DCC: variants seen among roughly 807,000 people sequenced by gnomAD.
DCC encodes the protein DCC netrin 1 receptor, also known as netrin receptor DCC.
A neutral mutation model predicts 172.5 loss-of-function variants in DCC; 58 were observed. The observed-to-expected ratio is 0.34, with a 90% CI of 0.27 to 0.42. The LOEUF is 0.42. DCC is among the 10% of genes least tolerant of loss of function. DCC has a pLI of 1.00. For missense variants in DCC, 1,740 were observed against 1,791.0 expected, an observed-to-expected ratio of 0.97 and a Z score of 0.51; for synonymous variants, 709 against 644.5, an observed-to-expected ratio of 1.10 and a Z score of -1.52.
chr18:52,627,446 G>A (rs142797767), intron 1 of DCC, among the ~76,000 whole-genome samples: 94 of 152,218 alleles, frequency 6.2e-4, no homozygotes, highest in Non-Finnish European at 1.1e-3. Context: ...AATCACAAAG[G>A]GCTAAACCAT....
At chr18:53,481,961 A>G (rs554585363) in intron 25 of DCC, among the ~76,000 whole-genome samples, 66 of 152,276 alleles carry the variant, frequency 4.3e-4, no homozygotes, top group Non-Finnish European at 7.8e-4. Context: ...CGCAGAGCAG[A>G]GATTTATTGA....
chr18:52,915,975 A>T (rs995797182), intron 3 of DCC, among the ~76,000 whole-genome samples: 1 of 151,784 alleles, frequency 6.6e-6, no homozygotes, highest in Admixed American at 6.6e-5. Flanking sequence ...GAGGTCAAAG[A>T]TTTATTTTAA....
rs759446164 is a variant in DCC at position 53,215,526 on chromosome 18, C to T, written c.1862-22C>T. On this transcript the variant is annotated intron_variant, in intron 11 of 28. Coordinates refer to ENST00000442544, the MANE Select transcript of DCC (RefSeq NM_005215.4). Reference sequence around the variant, plus strand: ...TTCAAGATTTTGGCAGTAACTGTGACAATTTGTTTGATTCCTTTTAGTGCC... The same window carrying T: ...TTCAAGATTTTGGCAGTAACTGTGATAATTTGTTTGATTCCTTTTAGTGCC... 66 of 1,609,486 alleles carry T rather than the reference C, an allele frequency of 4.1e-5. No homozygotes were observed. In the Middle Eastern group the frequency reaches 6.6e-4, roughly 16 times the overall value.
At chr18:53,135,852 T>C (rs1171099428) in intron 7 of DCC, among the ~76,000 whole-genome samples, 1 of 152,190 alleles carries the variant, frequency 6.6e-6, no homozygotes, top group African/African-American at 2.4e-5. Context: ...TAATTGATTA[T>C]GACAGGTGTC....
At chr18:52,451,573 A>G (rs1988306182) in intron 1 of DCC, among the ~76,000 whole-genome samples, 1 of 152,180 alleles carries the variant, frequency 6.6e-6, no homozygotes, top group African/African-American at 2.4e-5. Flanking sequence ...CAATAAGAGG[A>G]CATAGTTTAT....
intron 22 of DCC, among the ~76,000 whole-genome samples, chr18:53,438,492 A>T (rs1447121316): frequency 6.6e-6 from 1 of 152,214 alleles, no homozygotes; most frequent in East Asian, 1.9e-4. Context: ...AAAAATTATA[A>T]AAGGGATTGC....
intron 12 of DCC, among the ~76,000 whole-genome samples, chr18:53,293,741 C>T (rs768049495): frequency 1.3e-5 from 2 of 152,162 alleles, no homozygotes; most frequent in South Asian, 2.1e-4. Flanking sequence ...GAATTAACCT[C>T]ATCACTAGAG....
At position 52,995,448 on chromosome 18, in the gene DCC, A is replaced by AT. The variant is rs1458966709; in HGVS notation, c.986-67854dup. ...TCTTTTCTAAAGTTTTGAAAGTAATATTTACTATTGCTTGATTGCAGAGAA... is the reference window on the plus strand; with the variant it reads ...TCTTTTCTAAAGTTTTGAAAGTAATATTTTACTATTGCTTGATTGCAGAGAA... On this transcript the variant is annotated intron_variant, in intron 5 of 28. Transcript: ENST00000442544. Among the ~76,000 whole-genome samples, 3 of 151,020 alleles carry AT rather than the reference A, an allele frequency of 2.0e-5. No individual in the cohort carries two copies. In the East Asian group the frequency reaches 5.9e-4, roughly 30 times the overall value.
intron 9 of DCC, among the ~76,000 whole-genome samples, chr18:53,198,886 C>T (rs1415964586): frequency 6.6e-6 from 1 of 152,040 alleles, no homozygotes; most frequent in Non-Finnish European, 1.5e-5. Context: ...AAATTAGAAG[C>T]AGTTTGCCAC....
intron 7 of DCC, among the ~76,000 whole-genome samples, chr18:53,076,927 T>C (rs565570825): frequency 3.6e-4 from 55 of 152,284 alleles, no homozygotes; most frequent in African/African-American, 1.2e-3. Context: ...GAGCAATGCA[T>C]AGGCTCCATT....
intron 1 of DCC, among the ~76,000 whole-genome samples, chr18:52,729,633 C>T (rs769804364): frequency 2.4e-4 from 37 of 152,172 alleles, no homozygotes; most frequent in Admixed American, 5.9e-4. Context: ...TTTTAACACA[C>T]CAAATTATTT....
At chr18:53,487,036 AC>A in intron 26 of DCC, 78 bp downstream of exon 26, 1 of 1,580,694 alleles carries the variant, frequency 6.3e-7, no homozygotes, top group Non-Finnish European at 8.7e-7. Flanking sequence ...TTGCATTCTG[AC>A]CTTATCCCTT....
chr18:52,958,723 A>T (rs1051589363), intron 5 of DCC, among the ~76,000 whole-genome samples: 2 of 152,120 alleles, frequency 1.3e-5, no homozygotes, highest in African/African-American at 2.4e-5. Context: ...TGAGTGACAG[A>T]TGAGGAGGTG....
At chr18:52,488,693 T>A (rs1178328487) in intron 1 of DCC, among the ~76,000 whole-genome samples, 2 of 152,126 alleles carry the variant, frequency 1.3e-5, no homozygotes, top group African/African-American at 4.8e-5. Flanking sequence ...CAAGACTTGA[T>A]TATTTAAATG....
intron 14 of DCC, among the ~76,000 whole-genome samples, chr18:53,334,933 T>C (rs1291541597): frequency 6.6e-6 from 1 of 152,230 alleles, no homozygotes. Flanking sequence ...CTGCTTTCAA[T>C]TCTTTTTGCA....
At chr18:52,917,771 G>C (rs1293365337) in intron 3 of DCC, among the ~76,000 whole-genome samples, 1 of 152,130 alleles carries the variant, frequency 6.6e-6, no homozygotes, top group African/African-American at 2.4e-5. Context: ...CTGCCACCAG[G>C]ATAACAAACA....
intron 1 of DCC, among the ~76,000 whole-genome samples, chr18:52,646,394 A>C (rs2035019358): frequency 6.6e-6 from 1 of 152,176 alleles, no homozygotes; most frequent in Non-Finnish European, 1.5e-5. Context: ...CTCTGTGGAC[A>C]CCAGTTGGGC....
At chr18:53,036,956 G>A (rs573021471) in intron 5 of DCC, among the ~76,000 whole-genome samples, 1 of 151,994 alleles carries the variant, frequency 6.6e-6, no homozygotes, top group South Asian at 2.1e-4. Flanking sequence ...AAGGTAGCAG[G>A]GACATGAGTA....
chr18:53,101,209 C>G (rs1168095887), intron 7 of DCC, among the ~76,000 whole-genome samples: 4 of 152,082 alleles, frequency 2.6e-5, no homozygotes. Context: ...TGTGAACACT[C>G]AGGATGGATG....
Sources: gnomAD v4.1 joint callset for allele counts (sites outside exome capture counted in the v4.1 genomes callset) on GRCh38, gnomAD v4.1.1 for gene constraint, MANE v1.5 for transcripts, NCBI Gene and HGNC (gene_info 2026-07-23, HGNC 2026-07-21) for gene names.